SRPK2: variants seen among roughly 807,000 people sequenced by gnomAD.
The protein encoded by SRPK2 is SFRS protein kinase 2.
Under a neutral mutation model 90.8 loss-of-function variants are expected in SRPK2, and 21 were observed. The observed-to-expected ratio is 0.23, with a 90% CI of 0.16 to 0.33. The LOEUF (loss-of-function observed/expected upper bound fraction) is 0.33, where lower values mean the gene tolerates loss of function less well. SRPK2 is among the 10% of genes least tolerant of loss of function. The pLI is 1.00. For synonymous variants in SRPK2, 288 were observed against 311.1 expected, an observed-to-expected ratio of 0.93 and a Z score of 0.78; for missense variants, 620 against 869.0, an observed-to-expected ratio of 0.71 and a Z score of 3.60.
intron 15 of SRPK2, chr7:105,125,895 A>G (rs1181349212): frequency 3.3e-6 from 4 of 1,223,554 alleles, no homozygotes; most frequent in Non-Finnish European, 4.3e-6. Flanking sequence ...AAACATTGCC[A>G]GCAAAACAGA....
chr7:105,359,426 A>G (rs1256240794), intron 2 of SRPK2, among the ~76,000 whole-genome samples: 1 of 152,036 alleles, frequency 6.6e-6, no homozygotes. Flanking sequence ...CCAAAGTGAC[A>G]AGATTACAGG....
At chr7:105,247,515 A>AACACGCACACACACAAACACACAC (rs1380143242) in intron 2 of SRPK2, among the ~76,000 whole-genome samples, 1 of 92,580 alleles carries the variant, frequency 1.1e-5, no homozygotes, top group African/African-American at 4.1e-5. Context: ...CATACCAAAA[A>AACACGCACACACACAAACACACAC]ACACACACAC....
At chr7:105,303,232 C>T (rs2131286732) in intron 2 of SRPK2, among the ~76,000 whole-genome samples, 1 of 152,168 alleles carries the variant, frequency 6.6e-6, no homozygotes, top group African/African-American at 2.4e-5. Context: ...CCAAACACCG[C>T]ATGTTCTCAC....
intron 4 of SRPK2, among the ~76,000 whole-genome samples, chr7:105,168,719 TACACACAC>T (rs141696554): frequency 8.3e-6 from 1 of 120,306 alleles, no homozygotes; most frequent in African/African-American, 2.9e-5. Context: ...TTTGTTTCAG[TACACACAC>T]ACACACACAC....
chr7:105,165,798 G>A (rs1789978848), intron 6 of SRPK2, among the ~76,000 whole-genome samples: 2 of 152,194 alleles, frequency 1.3e-5, no homozygotes, highest in African/African-American at 2.4e-5. Context: ...TCCATGCTGT[G>A]GAAGCTTTGT....
intron 2 of SRPK2, among the ~76,000 whole-genome samples, chr7:105,354,479 T>C (rs180887203): frequency 2.5e-4 from 38 of 152,258 alleles, no homozygotes; most frequent in African/African-American, 8.7e-4. Flanking sequence ...GTAACTTAAG[T>C]AGCATAGGTA....
intron 2 of SRPK2, among the ~76,000 whole-genome samples, chr7:105,251,123 T>C (rs2129631113): frequency 6.6e-6 from 1 of 152,308 alleles, no homozygotes; most frequent in South Asian, 2.1e-4. Flanking sequence ...CTTACATCTA[T>C]GTTGAAATGA....
intron 2 of SRPK2, among the ~76,000 whole-genome samples, chr7:105,385,508 T>C (rs576985967): frequency 8.4e-4 from 128 of 152,146 alleles, no homozygotes; most frequent in Non-Finnish European, 9.8e-4. Flanking sequence ...AATCAGAACC[T>C]GTCCCTTCCA....
chr7:105,362,897 T>C (rs1818597808), intron 2 of SRPK2, among the ~76,000 whole-genome samples: 1 of 152,156 alleles, frequency 6.6e-6, no homozygotes, highest in Non-Finnish European at 1.5e-5. Flanking sequence ...TGTAGGGACA[T>C]GGATGAAGCT....
chr7:105,319,859 C>CTT (rs112566629), intron 2 of SRPK2, among the ~76,000 whole-genome samples: 22 of 146,768 alleles, frequency 1.5e-4, no homozygotes, highest in African/African-American at 2.3e-4. Flanking sequence ...CACTTCCCCC[C>CTT]CTTTTTTTTT....
intron 2 of SRPK2, among the ~76,000 whole-genome samples, chr7:105,321,303 C>T (rs1433533772): frequency 2.0e-5 from 3 of 152,142 alleles, no homozygotes; most frequent in Non-Finnish European, 2.9e-5. Flanking sequence ...CCTTCCTCCT[C>T]GTACCTTATA....
At chr7:105,254,478 A>C (rs1278374100) in intron 2 of SRPK2, among the ~76,000 whole-genome samples, 1 of 152,244 alleles carries the variant, frequency 6.6e-6, no homozygotes, top group Non-Finnish European at 1.5e-5. Flanking sequence ...CAATAAAATT[A>C]TGTACATCCA....
At chr7:105,203,881 CTT>C (rs1795873592) in intron 2 of SRPK2, 96 bp from the exon 3 acceptor site, 1 of 1,412,436 alleles carries the variant, frequency 7.1e-7, no homozygotes, top group Admixed American at 2.3e-5. Context: ...AAAAATAAAA[CTT>C]GTCACATACT....
At chr7:105,250,894 G>A (rs879610340) in intron 2 of SRPK2, among the ~76,000 whole-genome samples, 7 of 152,124 alleles carry the variant, frequency 4.6e-5, no homozygotes, top group Non-Finnish European at 7.3e-5. Context: ...ACTCTGGGGA[G>A]GCAAGGGATA....
chr7:105,126,146 G>T (rs762189284), intron 15 of SRPK2, 102 bp downstream of exon 15: 18 of 1,029,828 alleles, frequency 1.7e-5, no homozygotes, highest in Non-Finnish European at 2.5e-5. Flanking sequence ...GTTGCGTTTC[G>T]AATTTAGGAG....
intron 2 of SRPK2, among the ~76,000 whole-genome samples, chr7:105,337,044 C>G (rs1172996839): frequency 6.6e-6 from 1 of 152,082 alleles, no homozygotes; most frequent in Non-Finnish European, 1.5e-5. Flanking sequence ...TCAAGTGAGC[C>G]ACCCACCTCG....
At position 105,350,520 on chromosome 7, in the gene SRPK2, A is replaced by AT. The variant is rs1292529651; in HGVS notation, c.71+38127dup. On this transcript the variant is annotated intron_variant, in intron 2 of 15. Transcript: ENST00000393651. ...TCACAATAACCCTGTGGTTGCTACAATTTTTTTTCTTTTTTTTTTTTTTTT... is the reference window on the plus strand; with the variant it reads ...TCACAATAACCCTGTGGTTGCTACAATTTTTTTTTCTTTTTTTTTTTTTTTT... Among the ~76,000 whole-genome samples the AT allele has an allele frequency of 9.5e-5, 12 of 126,948 alleles. No homozygotes were observed. In the East Asian group the frequency reaches 2.5e-3, roughly 26 times the overall value. 83.3% of individuals were successfully genotyped at this position (126,948 alleles called of 152,430 possible).
At chr7:105,164,787 A>T (rs773885052) in intron 6 of SRPK2, among the ~76,000 whole-genome samples, 1 of 152,180 alleles carries the variant, frequency 6.6e-6, no homozygotes, top group Non-Finnish European at 1.5e-5. Context: ...TTGGAGTTTA[A>T]ATCTGGGAAA....
chr7:105,338,838 G>C (rs1815419252), intron 2 of SRPK2, among the ~76,000 whole-genome samples: 1 of 151,968 alleles, frequency 6.6e-6, no homozygotes, highest in African/African-American at 2.4e-5. Flanking sequence ...TCTCAAATTA[G>C]AATCTTGGAT....
Sources: gnomAD v4.1 joint callset for allele counts (sites outside exome capture counted in the v4.1 genomes callset) on GRCh38, gnomAD v4.1.1 for gene constraint, MANE v1.5 for transcripts, NCBI Gene and HGNC (gene_info 2026-07-23, HGNC 2026-07-21) for gene names.